Variants in FTO observed in about 807,000 individuals in gnomAD.
FTO encodes FTO alpha-ketoglutarate dependent dioxygenase, also known as alpha-ketoglutarate-dependent dioxygenase FTO.
FTO carries 47 observed loss-of-function variants against 63.9 expected under a neutral mutation model. The ratio of observed to expected loss-of-function variants is 0.74; its 90% CI spans 0.58 to 0.94. FTO has a LOEUF of 0.94. Among genes scored for constraint, FTO ranks in the 40% least tolerant of loss-of-function variants. The pLI, the probability that FTO is intolerant of heterozygous loss-of-function variation, is 0.00. For synonymous variants in FTO, 207 were observed against 224.4 expected (o/e 0.92, Z 0.69); for missense variants, 562 against 618.1 (o/e 0.91, Z 0.96).
At chr16:53,715,131 A>G (rs1264768536) in intron 1 of FTO, among the ~76,000 whole-genome samples, 1 of 152,178 alleles carries the variant, frequency 6.6e-6, no homozygotes, top group African/African-American at 2.4e-5. Context: ...ACGGACTATT[A>G]GATGCTTTAT....
At chr16:54,038,683 G>A (rs2085001120) in intron 8 of FTO, among the ~76,000 whole-genome samples, 1 of 152,172 alleles carries the variant, frequency 6.6e-6, no homozygotes, top group Non-Finnish European at 1.5e-5. Flanking sequence ...GAGAGAGCTT[G>A]TTGTTTAAAG....
intron 1 of FTO, among the ~76,000 whole-genome samples, chr16:53,808,422 G>C (rs2078428588): frequency 6.6e-6 from 1 of 152,092 alleles, no homozygotes; most frequent in Non-Finnish European, 1.5e-5. Context: ...CAAAGGCTTT[G>C]ACTAAATAAA....
Position 54,023,808 on chromosome 16 carries a change from A to G in FTO, c.1365-87954A>G, listed in dbSNP as rs1252811368. ...GGGAGTGGGACTTCACCATGGTCCC[A>G]CTCTCCTAATACAGCTATTTTTACC... On this transcript the variant is annotated intron_variant, in intron 8 of 8. Coordinates refer to ENST00000471389, the MANE Select transcript of FTO (RefSeq NM_001080432.3). Among the ~76,000 whole-genome samples, 2 of 151,954 alleles carry G rather than the reference A, an allele frequency of 1.3e-5. 1 individual carries two copies. Among genetic ancestry groups the G allele is most frequent in the Non-Finnish European group, 2.9e-5 (2 of 67,984 alleles).
At chr16:53,730,054 AG>A (rs1402645719) in intron 1 of FTO, among the ~76,000 whole-genome samples, 3 of 152,250 alleles carry the variant, frequency 2.0e-5, no homozygotes, top group Admixed American at 6.5e-5. Context: ...AGAAATATTT[AG>A]GGATAGATTT....
chr16:53,924,858 A>G (rs2082100123), intron 7 of FTO, among the ~76,000 whole-genome samples: 1 of 152,202 alleles, frequency 6.6e-6, no homozygotes, highest in Non-Finnish European at 1.5e-5. Flanking sequence ...GGATCCAAGC[A>G]TGCTGGAAAT....
At chr16:53,849,657 A>G (rs1158867456) in intron 4 of FTO, among the ~76,000 whole-genome samples, 1 of 152,228 alleles carries the variant, frequency 6.6e-6, no homozygotes, top group East Asian at 1.9e-4. Flanking sequence ...CTTCCTTGAA[A>G]TACCTATGGC....
chr16:53,727,376 C>T (rs987661553), intron 1 of FTO, among the ~76,000 whole-genome samples: 3 of 152,154 alleles, frequency 2.0e-5, no homozygotes, highest in South Asian at 2.1e-4. Flanking sequence ...GGGATGCAGA[C>T]GTCTGTGTAT....
intron 1 of FTO, 32 bp downstream of exon 1, chr16:53,704,261 C>T: frequency 1.9e-6 from 3 of 1,549,414 alleles, no homozygotes. Context: ...TGGAGATCTT[C>T]GTGCGCTGTG....
At chr16:53,935,377 A>G (rs1282693610) in intron 8 of FTO, among the ~76,000 whole-genome samples, 1 of 152,214 alleles carries the variant, frequency 6.6e-6, no homozygotes, top group Non-Finnish European at 1.5e-5. Context: ...ATTTTCCAAG[A>G]AAGGAGACAG....
At chr16:54,029,004 A>G (rs2084774939) in intron 8 of FTO, among the ~76,000 whole-genome samples, 3 of 152,214 alleles carry the variant, frequency 2.0e-5, no homozygotes. Flanking sequence ...ATAACAGCAC[A>G]AATACCTTAA....
At chr16:53,846,629 C>T (rs1311365137) in intron 4 of FTO, among the ~76,000 whole-genome samples, 2 of 151,766 alleles carry the variant, frequency 1.3e-5, no homozygotes, top group Non-Finnish European at 2.9e-5. Context: ...GATGAAACCC[C>T]CCGTCTCCAC....
chr16:54,071,207 G>A (rs1407411353), intron 8 of FTO: 1 of 152,178 alleles, frequency 6.6e-6, no homozygotes, highest in Non-Finnish European at 1.5e-5. Context: ...GTTAACAGAA[G>A]GGTGAGGATG....
At chr16:53,997,584 A>AG (rs1371466237) in intron 8 of FTO, among the ~76,000 whole-genome samples, 4 of 88,946 alleles carry the variant, frequency 4.5e-5, no homozygotes, top group Non-Finnish European at 6.5e-5. Flanking sequence ...GCGGGGTGGG[A>AG]GTGGGGGGGT....
chr16:53,984,905 G>T (rs1161049772), intron 8 of FTO: 1 of 456,544 alleles, frequency 2.2e-6, no homozygotes, highest in East Asian at 7.0e-5. Context: ...TCAGGACACG[G>T]AGTAAAATGA....
chr16:53,822,685 G>T (rs2078900330), intron 2 of FTO, among the ~76,000 whole-genome samples: 1 of 152,016 alleles, frequency 6.6e-6, no homozygotes, highest in East Asian at 1.9e-4. Context: ...ACCTATTTGT[G>T]TGTATATGTG....
At chr16:54,007,881 T>C (rs566391409) in intron 8 of FTO, among the ~76,000 whole-genome samples, 29 of 152,378 alleles carry the variant, frequency 1.9e-4, no homozygotes, top group African/African-American at 6.7e-4. Flanking sequence ...CTCCAGGCTA[T>C]TGGCCACCAG....
chr16:53,718,613 A>G (rs894426279), intron 1 of FTO, among the ~76,000 whole-genome samples: 1 of 152,080 alleles, frequency 6.6e-6, no homozygotes, highest in African/African-American at 2.4e-5. Context: ...TTCTAGTATT[A>G]AGTAAAGTGG....
rs1042194633 is a variant in FTO at position 54,118,117 on chromosome 16, G to A, written c.*6202G>A. ...TAAACATGGCACCAATACAAATGAA[G>A]CACTTCTAGCAGGCGGAGATTCCCT... is the stretch of plus-strand genomic sequence containing the variant. On this transcript the variant is annotated 3_prime_UTR_variant, in exon 9 of 9. Coordinates refer to ENST00000471389, the MANE Select transcript of FTO (RefSeq NM_001080432.3). 1 of 152,202 alleles carries A rather than the reference G, an allele frequency of 6.6e-6. No individual in the cohort carries two copies. Among genetic ancestry groups the A allele is most frequent in the Admixed American group, 6.5e-5 (1 of 15,282 alleles). The allele number at this position is 152,202 out of a possible 1,614,324, so 9.4% of individuals were successfully genotyped here.
intron 1 of FTO, among the ~76,000 whole-genome samples, chr16:53,758,783 T>C (rs1469958081): frequency 1.3e-5 from 2 of 152,106 alleles, no homozygotes; most frequent in African/African-American, 4.8e-5. Flanking sequence ...ATAATTAATA[T>C]TCCCAGAGAG....
Sources: allele counts gnomAD v4.1 joint callset (sites outside exome capture counted in the v4.1 genomes callset), GRCh38; gene constraint gnomAD v4.1.1; transcripts MANE v1.5; gene names NCBI Gene and HGNC (gene_info 2026-07-23, HGNC 2026-07-21).